Variants in KLRB1 observed in about 807,000 individuals in gnomAD.
KLRB1 encodes the protein killer cell lectin like receptor B1, also known as killer cell lectin-like receptor subfamily B member 1.
Under a neutral mutation model 33.5 loss-of-function variants are expected in KLRB1, and 27 were observed. The ratio of observed to expected loss-of-function variants is 0.81; its 90% CI spans 0.59 to 1.11. The LOEUF (loss-of-function observed/expected upper bound fraction) is 1.11. Among genes scored for constraint, KLRB1 ranks in the 50% most tolerant of loss-of-function variants. KLRB1 has a pLI of 0.00. For missense variants in KLRB1, 241 were observed against 254.1 expected, an observed-to-expected ratio of 0.95 and a Z score of 0.35; for synonymous variants, 64 against 88.9, an observed-to-expected ratio of 0.72 and a Z score of 1.58.
At chr12:9,600,271 T>C (rs1214349253) in intron 2 of KLRB1, among the ~76,000 whole-genome samples, 1 of 152,200 alleles carries the variant, frequency 6.6e-6, no homozygotes, top group Non-Finnish European at 1.5e-5. Flanking sequence ...TTTGTTATCA[T>C]CAATTGTGAT....
In KLRB1 at chr12:9,598,503, T is replaced by C. The variant is rs1864512072; in HGVS notation, c.410A>G (p.Glu137Gly). The C allele has an allele frequency of 6.2e-7, 1 of 1,606,662 alleles. No homozygotes were observed. The highest frequency in any genetic ancestry group is 1.3e-5 in the African/African-American group (1 of 74,392). The part of the protein sequence containing the change: ...SSLLLIRDKD[E>G]LIHTQNLIRD... ...GTATTTTATTTAATGATTTACCAAT[T>C]CATCCTTATCTCGAATAAGCAGCAG... The change falls in exon 4 of 6, where the codon GAA (glutamate) becomes GGA (glycine). Residue 137 changes from glutamate (E) to glycine (G), a missense_variant. By Grantham distance (98) the Glu-to-Gly change is moderately conservative. Transcript: ENST00000229402.
At chr12:9,607,299 T>C (rs1864618006) in intron 1 of KLRB1, among the ~76,000 whole-genome samples, 2 of 90,656 alleles carry the variant, frequency 2.2e-5, no homozygotes, top group Non-Finnish European at 4.4e-5. Context: ...TTTCTTTCTC[T>C]CCTTTCTTTC....
chr12:9,597,423 AAT>A (rs750754541), intron 5 of KLRB1, among the ~76,000 whole-genome samples: 6 of 1,328 alleles, frequency 4.5e-3, no homozygotes, highest in African/African-American at 5.5e-3. Context: ...CTGTGTCGCA[AAT>A]GCCTCATAGT....
intron 2 of KLRB1, among the ~76,000 whole-genome samples, chr12:9,600,397 A>G (rs1055995119): frequency 6.6e-6 from 1 of 152,166 alleles, no homozygotes; most frequent in African/African-American, 2.4e-5. Flanking sequence ...ACTGTTAGAA[A>G]CATTGTTTCA....
Position 9,601,573 on chromosome 12 carries a change from G to C in KLRB1, c.112C>G (p.Gln38Glu). ...GCACAGCTAAGTTTCAGGGCAAATT[G>C]ATGCCAAGGTGAACCCTGACAGACA... ...RDVCQGSPWH[Q>E]FALKLSCAGI... is the part of the protein sequence containing the mutation. Residue 38 changes from glutamine to glutamate, a missense_variant, in exon 2 of 6, where the codon CAA (glutamine) becomes GAA (glutamate). Physicochemically the swap from Gln to Glu is conservative, Grantham distance 29 (BLOSUM62 2). Transcript: ENST00000229402. 6.2e-7 allele frequency: 1 copy of C among 1,613,186 alleles called. No homozygotes were observed. The highest frequency in any genetic ancestry group is 8.5e-7 in the Non-Finnish European group (1 of 1,179,240).
chr12:9,601,862 G>A (rs1402265802), intron 1 of KLRB1, among the ~76,000 whole-genome samples: 1 of 152,194 alleles, frequency 6.6e-6, no homozygotes. Context: ...CAAAGGATTG[G>A]TGTAAGAACC....
intron 1 of KLRB1, among the ~76,000 whole-genome samples, chr12:9,603,282 G>C (rs949876671): frequency 6.6e-6 from 1 of 152,046 alleles, no homozygotes; most frequent in Non-Finnish European, 1.5e-5. Context: ...CACTGGCATG[G>C]CTTTCCTTCC....
chr12:9,601,804 CAG>C (rs909621492), intron 1 of KLRB1, among the ~76,000 whole-genome samples: 1 of 152,102 alleles, frequency 6.6e-6, no homozygotes, highest in African/African-American at 2.4e-5. Context: ...TCAGATCCAA[CAG>C]AGTTTGCTCA....
intron 1 of KLRB1, among the ~76,000 whole-genome samples, chr12:9,607,332 T>TTTCCTTCCTTCCTTCCTTCCTTCC (rs200381621): frequency 3.4e-4 from 20 of 58,642 alleles, no homozygotes; most frequent in Middle Eastern, 7.5e-3. Context: ...TTTCTCTTTC[T>TTTCCTTCCTTCCTTCCTTCCTTCC]TTCCTTTCTT....
At chr12:9,603,743 A>G (rs751008819) in intron 1 of KLRB1, among the ~76,000 whole-genome samples, 1 of 151,874 alleles carries the variant, frequency 6.6e-6, no homozygotes, top group African/African-American at 2.4e-5. Context: ...GCCTAATTCT[A>G]TTACTAACAT....
intron 1 of KLRB1, among the ~76,000 whole-genome samples, chr12:9,603,345 T>C: frequency 6.6e-6 from 1 of 152,200 alleles, no homozygotes; most frequent in East Asian, 1.9e-4. Flanking sequence ...TTCCCCACCG[T>C]TTTCTTCCTT....
chr12:9,606,742 A>T (rs1565444189), intron 1 of KLRB1, among the ~76,000 whole-genome samples: 6 of 22,840 alleles, frequency 2.6e-4, no homozygotes, highest in African/African-American at 4.0e-4. Context: ...AAGTATATAT[A>T]TATATATATA....
intron 5 of KLRB1, 124 bp from the exon 6 acceptor site, chr12:9,595,545 A>C: frequency 1.2e-6 from 1 of 836,460 alleles, no homozygotes; most frequent in Non-Finnish European, 1.9e-6. Context: ...CAAAGAAGGC[A>C]CACGGTCACA....
rs150796627 is a variant in KLRB1 at position 9,596,758 on chromosome 12, G to T, written c.530+1288C>A. Among the ~76,000 whole-genome samples the T allele has an allele frequency of 7.4e-3, 1,127 of 152,130 alleles. 6 individuals carry two copies. Among genetic ancestry groups the T allele is most frequent in the Middle Eastern group, 0.037 (11 of 294 alleles). On this transcript the variant is annotated intron_variant, in intron 5 of 5. Transcript: ENST00000229402. ...TGAACCACAATAAAATAAACATTTT[G>T]CATTATGACCCCATTAAGAAACACA...
Position 9,599,810 on chromosome 12 carries a change from T to G in KLRB1, c.216A>C (p.Glu72Asp). 6.2e-7 allele frequency: 1 copy of G among 1,605,106 alleles called. No individual in the cohort carries two copies. Among genetic ancestry groups the G allele is most frequent in the Non-Finnish European group, 8.5e-7 (1 of 1,171,978 alleles). The change falls in exon 3 of 6, where the codon GAA becomes GAC. Residue 72 changes from glutamate to aspartate, a missense_variant. By Grantham distance (45) the Glu-to-Asp change is conservative. Transcript: ENST00000229402. The stretch of plus-strand genomic sequence containing the variant: ...TCTGTTGAATGTCCACACTGCATTT[T>G]TCTATTGATGATTTCTGTATTAAGG... ...VTSLIQKSSIEKCSVDIQQSR... is the reference protein window; with the variant it reads ...VTSLIQKSSIDKCSVDIQQSR...
At chr12:9,607,332 T>TTTCCTTTCTTTCTTCCTTCC (rs1555097747) in intron 1 of KLRB1, among the ~76,000 whole-genome samples, 3 of 58,620 alleles carry the variant, frequency 5.1e-5, no homozygotes, top group African/African-American at 1.4e-4. Flanking sequence ...TTTCTCTTTC[T>TTTCCTTTCTTTCTTCCTTCC]TTCCTTTCTT....
At chr12:9,606,758 A>ATTTTTTTTTTTTTTTTT (rs1285915836) in intron 1 of KLRB1, among the ~76,000 whole-genome samples, 1 of 65,898 alleles carries the variant, frequency 1.5e-5, no homozygotes, top group Non-Finnish European at 2.5e-5. Context: ...ATATATATAT[A>ATTTTTTTTTTTTTTTTT]TATTTTTTTT....
At chr12:9,596,075 C>T (rs1864489672) in intron 5 of KLRB1, among the ~76,000 whole-genome samples, 1 of 152,104 alleles carries the variant, frequency 6.6e-6, no homozygotes, top group African/African-American at 2.4e-5. Flanking sequence ...TGATATAATT[C>T]AAACAAAGGG....
chr12:9,604,565 C>T (rs967582587), intron 1 of KLRB1, among the ~76,000 whole-genome samples: 3 of 152,110 alleles, frequency 2.0e-5, no homozygotes, highest in Admixed American at 6.5e-5. Flanking sequence ...ATACCACAGG[C>T]GTGTTTTCAT....
Sources: allele counts gnomAD v4.1 joint callset (sites outside exome capture counted in the v4.1 genomes callset), GRCh38; gene constraint gnomAD v4.1.1; transcripts MANE v1.5; gene names NCBI Gene and HGNC (gene_info 2026-07-23, HGNC 2026-07-21).